Variants in TNFSF4 observed in about 807,000 individuals in gnomAD.
TNFSF4 encodes the protein tumor necrosis factor ligand superfamily member 4.
TNFSF4 carries 4 observed loss-of-function variants against 7.3 expected under a neutral mutation model. The ratio of observed to expected loss-of-function variants is 0.55; its 90% CI spans 0.27 to 1.25. The LOEUF (loss-of-function observed/expected upper bound fraction) is 1.25. Among genes scored for constraint, TNFSF4 ranks in the 50% most tolerant of loss-of-function variants. The pLI is 0.12. For missense variants in TNFSF4, 181 were observed against 208.8 expected (o/e 0.87, Z 0.82); for synonymous variants, 76 against 83.7 (o/e 0.91, Z 0.50).
chr1:173,218,324 G>T, the TNFSF4 span, among the ~76,000 whole-genome samples: 1 of 152,016 alleles, frequency 6.6e-6, no homozygotes, highest in East Asian at 1.9e-4. Context: ...CTCTCTATTT[G>T]CTTGTTCCTA....
chr1:173,407,703 G>GGTGT, the TNFSF4 span, among the ~76,000 whole-genome samples: 241 of 147,990 alleles, frequency 1.6e-3, no homozygotes, highest in Middle Eastern at 7.2e-3. Context: ...GATGTAAATG[G>GGTGT]GTGTGTGTGT....
the TNFSF4 span, among the ~76,000 whole-genome samples, chr1:173,327,860 G>C: frequency 6.6e-6 from 1 of 152,056 alleles, no homozygotes; most frequent in African/African-American, 2.4e-5. Context: ...AACAACAGGT[G>C]CTGGAGAGGA....
chr1:173,388,262 T>C, the TNFSF4 span, among the ~76,000 whole-genome samples: 2 of 152,230 alleles, frequency 1.3e-5, no homozygotes, highest in Non-Finnish European at 2.9e-5. Flanking sequence ...GCTTTTCTTT[T>C]TGCCTTCCAG....
the TNFSF4 span, among the ~76,000 whole-genome samples, chr1:173,261,331 T>C: frequency 6.6e-5 from 10 of 152,146 alleles, no homozygotes; most frequent in Non-Finnish European, 1.5e-4. Context: ...TAAAGTAGTG[T>C]TAACAGGGAA....
At chr1:173,314,330 AT>A in the TNFSF4 span, among the ~76,000 whole-genome samples, 1 of 152,040 alleles carries the variant, frequency 6.6e-6, no homozygotes, top group Admixed American at 6.6e-5. Flanking sequence ...TATGATTTCT[AT>A]TTTACACCAT....
At chr1:173,328,559 C>A in the TNFSF4 span, among the ~76,000 whole-genome samples, 1 of 126,500 alleles carries the variant, frequency 7.9e-6, no homozygotes, top group Non-Finnish European at 1.7e-5. Flanking sequence ...AAAAAGTTTA[C>A]CCCCCCCCAA....
chr1:173,351,641 C>T, the TNFSF4 span: 7 of 247,284 alleles, frequency 2.8e-5, no homozygotes, highest in Non-Finnish European at 4.6e-5. Flanking sequence ...ATCTCTGGGA[C>T]ACAGCTAAGG....
the TNFSF4 span, among the ~76,000 whole-genome samples, chr1:173,233,177 C>T: frequency 6.6e-6 from 1 of 152,112 alleles, no homozygotes; most frequent in Non-Finnish European, 1.5e-5. Flanking sequence ...AACTACATGA[C>T]ACATGCACAA....
the TNFSF4 span, among the ~76,000 whole-genome samples, chr1:173,442,398 T>A: frequency 6.6e-6 from 1 of 152,042 alleles, no homozygotes; most frequent in South Asian, 2.1e-4. Context: ...CAAAACCAAA[T>A]GCAACACCTC....
At chr1:173,199,176 A>G (rs1166395355) in intron 1 of TNFSF4, among the ~76,000 whole-genome samples, 1 of 152,150 alleles carries the variant, frequency 6.6e-6, no homozygotes, top group Non-Finnish European at 1.5e-5. Context: ...GAGGGCAGGG[A>G]GGACCACGTC....
the TNFSF4 span, among the ~76,000 whole-genome samples, chr1:173,375,133 G>A: frequency 3.9e-5 from 6 of 152,074 alleles, no homozygotes; most frequent in Non-Finnish European, 8.8e-5. Context: ...GCTATTACTC[G>A]CCTTCGGATC....
the TNFSF4 span, among the ~76,000 whole-genome samples, chr1:173,242,134 C>A: frequency 6.6e-6 from 1 of 152,148 alleles, no homozygotes; most frequent in Non-Finnish European, 1.5e-5. Flanking sequence ...GTGCCCCTCC[C>A]AGCCTGAAGA....
chr1:173,415,415 C>T, the TNFSF4 span, among the ~76,000 whole-genome samples: 1 of 152,126 alleles, frequency 6.6e-6, no homozygotes, highest in African/African-American at 2.4e-5. Context: ...GTGGGATGAG[C>T]CTTAGGAAAA....
chr1:173,351,820 A>C, the TNFSF4 span: 173 of 610,282 alleles, frequency 2.8e-4, no homozygotes, highest in Admixed American at 4.6e-4. Flanking sequence ...ATCTACATTG[A>C]ATGGGTGCAG....
At chr1:173,314,750 C>T in the TNFSF4 span, among the ~76,000 whole-genome samples, 1 of 152,242 alleles carries the variant, frequency 6.6e-6, no homozygotes, top group East Asian at 1.9e-4. Context: ...TTCTTTGCAT[C>T]ATGATGTAAT....
chr1:173,303,874 TAA>T, the TNFSF4 span, among the ~76,000 whole-genome samples: 787 of 152,086 alleles, frequency 5.2e-3, 5 homozygotes, highest in African/African-American at 0.018. Context: ...CAATAATATA[TAA>T]GTAAGTCACC....
the TNFSF4 span, among the ~76,000 whole-genome samples, chr1:173,303,632 C>T: frequency 1.1e-4 from 17 of 151,828 alleles, no homozygotes; most frequent in Non-Finnish European, 1.5e-4. Context: ...TGTTTTTATA[C>T]GTTTTTTAAT....
chr1:173,334,647 A>T, the TNFSF4 span, among the ~76,000 whole-genome samples: 3 of 152,172 alleles, frequency 2.0e-5, no homozygotes, highest in East Asian at 3.9e-4. Flanking sequence ...TGGAATGGGG[A>T]TGTGTGAGAA....
the TNFSF4 span, among the ~76,000 whole-genome samples, chr1:173,418,818 GT>G: frequency 6.6e-6 from 1 of 152,138 alleles, no homozygotes; most frequent in East Asian, 1.9e-4. Context: ...ATCCCAACAT[GT>G]CCCAGAGGTA....
Sources: gnomAD v4.1 joint callset for allele counts (sites outside exome capture counted in the v4.1 genomes callset) on GRCh38, gnomAD v4.1.1 for gene constraint, MANE v1.5 for transcripts, NCBI Gene and HGNC (gene_info 2026-07-23, HGNC 2026-07-21) for gene names.